FLRT1: variants seen among roughly 807,000 people sequenced by gnomAD.
FLRT1 encodes leucine-rich repeat transmembrane protein FLRT1.
FLRT1 carries 14 observed loss-of-function variants against 30.9 expected under a neutral mutation model. That is an observed-to-expected ratio of 0.45 (90% CI 0.30 to 0.71). The LOEUF (loss-of-function observed/expected upper bound fraction) is 0.71, where lower values mean the gene tolerates loss of function less well. Ranked by LOEUF, FLRT1 falls within the 30% of genes least tolerant of loss-of-function variation. The pLI is 0.08. For missense variants in FLRT1, 737 were observed against 949.2 expected (o/e 0.78, Z 2.94); for synonymous variants, 368 against 430.4 (o/e 0.85, Z 1.80).
intron 1 of FLRT1, among the ~76,000 whole-genome samples, chr11:64,093,730 C>T (rs71454591): frequency 0.1 from 15,169 of 152,290 alleles, 886 homozygotes; most frequent in Non-Finnish European, 0.13. Context: ...CTGGGCCTCC[C>T]GCTCTGTAGT....
chr11:64,042,225 T>A (rs1053904448), intron 1 of FLRT1, among the ~76,000 whole-genome samples: 1 of 152,154 alleles, frequency 6.6e-6, no homozygotes, highest in Non-Finnish European at 1.5e-5. Flanking sequence ...CTTCCTCTCC[T>A]GTCTTCCCTG....
At chr11:64,101,674 G>C (rs1275442712) in intron 1 of FLRT1, among the ~76,000 whole-genome samples, 2 of 152,162 alleles carry the variant, frequency 1.3e-5, no homozygotes. Flanking sequence ...AGCAATAAGG[G>C]CTCGTGCTAG....
rs546542450 is a variant in FLRT1 at position 64,069,203 on chromosome 11, G to A, written c.-1038+33044G>A. Among the ~76,000 whole-genome samples, 7 of 152,330 alleles carry A rather than the reference G, an allele frequency of 4.6e-5. No individual in the cohort carries two copies. In the South Asian group the frequency reaches 1.0e-3, roughly 23 times the overall value. On this transcript the variant is annotated intron_variant, in intron 1 of 2. Transcript: ENST00000682287. ...GAGCAGAGCAGGAGGGCCACTGCGC[G>A]CGGCCGGGGGCCCGAGGTGGGCGCC...
intron 1 of FLRT1, among the ~76,000 whole-genome samples, chr11:64,046,504 C>G (rs1014186348): frequency 1.3e-5 from 2 of 152,172 alleles, no homozygotes; most frequent in South Asian, 4.1e-4. Flanking sequence ...TGGGACCCTG[C>G]GCTGTGCTCC....
rs2010973 is a variant in FLRT1 at position 64,086,631 on chromosome 11, C to G, written c.-1037-16563C>G. ...GTGCTTTTTCCGGCCCCTGCAGCCC[C>G]ACTTCTGTCTGAGACTCCTATTCAT... On this transcript the variant is annotated intron_variant, in intron 1 of 2. Coordinates refer to ENST00000682287, the MANE Select transcript of FLRT1 (RefSeq NM_013280.5). 9.2e-4 allele frequency among the ~76,000 whole-genome samples: 140 copies of G among 152,300 alleles called. 3 individuals are homozygous for G. Among genetic ancestry groups the G allele is most frequent in the Admixed American group, 7.8e-3 (119 of 15,300 alleles).
intron 1 of FLRT1, among the ~76,000 whole-genome samples, chr11:64,070,222 C>T (rs377276801): frequency 1.3e-5 from 2 of 152,106 alleles, no homozygotes; most frequent in African/African-American, 4.8e-5. Flanking sequence ...CCCTGCTGCA[C>T]CAAGTGGGGT....
chr11:64,081,097 C>G (rs928152403), intron 1 of FLRT1, among the ~76,000 whole-genome samples: 1 of 152,216 alleles, frequency 6.6e-6, no homozygotes, highest in Non-Finnish European at 1.5e-5. Context: ...TCTCAGCTCA[C>G]TGCAACCTCC....
intron 1 of FLRT1, among the ~76,000 whole-genome samples, chr11:64,085,687 C>T (rs1944382016): frequency 3.9e-5 from 6 of 152,174 alleles, no homozygotes; most frequent in Admixed American, 3.9e-4. Flanking sequence ...CGGTCACCCA[C>T]AGACAGGCCC....
chr11:64,066,272 C>T (rs565132382), intron 1 of FLRT1, among the ~76,000 whole-genome samples: 1 of 126,424 alleles, frequency 7.9e-6, no homozygotes, highest in African/African-American at 3.1e-5. Context: ...ACCCCAGCCT[C>T]GGTGACAGAG....
chr11:64,113,582 CATGG>C (rs1944902069), intron 2 of FLRT1, among the ~76,000 whole-genome samples: 2 of 99,152 alleles, frequency 2.0e-5, no homozygotes, highest in Non-Finnish European at 4.0e-5. Context: ...GCATGGATAG[CATGG>C]ATGGATGGAT....
intron 2 of FLRT1, among the ~76,000 whole-genome samples, chr11:64,114,343 T>TGATGGAGGGATGGTGGACA (rs1565239211): frequency 7.3e-6 from 1 of 136,252 alleles, no homozygotes; most frequent in Non-Finnish European, 1.6e-5. Context: ...AGTAGATACA[T>TGATGGAGGGATGGTGGACA]GATGGATGGA....
At chr11:64,110,387 C>A (rs931424439) in intron 2 of FLRT1, among the ~76,000 whole-genome samples, 4 of 151,248 alleles carry the variant, frequency 2.6e-5, no homozygotes, top group African/African-American at 9.7e-5. Context: ...GAGGTCGAGG[C>A]TGCAGTGAGC....
chr11:64,086,281 G>A (rs1944393510), intron 1 of FLRT1, among the ~76,000 whole-genome samples: 1 of 152,042 alleles, frequency 6.6e-6, no homozygotes, highest in South Asian at 2.1e-4. Flanking sequence ...GTTGAATTGT[G>A]GTTTTAGGAG....
intron 1 of FLRT1, among the ~76,000 whole-genome samples, chr11:64,076,526 T>C: frequency 6.6e-6 from 1 of 152,170 alleles, no homozygotes; most frequent in Admixed American, 6.5e-5. Flanking sequence ...GTGCTGGCAC[T>C]GGGGTCTGGA....
intron 1 of FLRT1, among the ~76,000 whole-genome samples, chr11:64,070,769 G>A (rs569247859): frequency 1.2e-4 from 18 of 152,340 alleles, no homozygotes; most frequent in African/African-American, 4.3e-4. Flanking sequence ...TTATTTGTTC[G>A]TGGAATGAAA....
chr11:64,094,625 G>A (rs1252134541), intron 1 of FLRT1, among the ~76,000 whole-genome samples: 1 of 152,308 alleles, frequency 6.6e-6, no homozygotes, highest in East Asian at 1.9e-4. Flanking sequence ...GGTCGCGTAC[G>A]TCATGGGGCA....
In FLRT1 at chr11:64,101,234, G is replaced by A. The variant is rs1451294581; in HGVS notation, c.-1037-1960G>A. Among the ~76,000 whole-genome samples, 3 of 152,280 alleles carry A rather than the reference G, an allele frequency of 2.0e-5. No individual in the cohort carries two copies. The East Asian group carries it at 5.8e-4, about 29-fold the overall frequency. On this transcript the variant is annotated intron_variant, in intron 1 of 2. Transcript: ENST00000682287. ...AGCCAGCTCAGGGCATTAGTGGGCA[G>A]TAGTGGGAGACACGGCTGGTGGGCT... is the stretch of plus-strand genomic sequence containing the variant.
chr11:64,118,304 C>T lies in FLRT1; in HGVS notation c.*12C>T. 1 of 1,538,070 alleles carries T rather than the reference C, an allele frequency of 6.5e-7. No homozygotes were observed. The highest frequency in any genetic ancestry group is 8.8e-7 in the Non-Finnish European group (1 of 1,136,418). The stretch of plus-strand genomic sequence containing the variant: ...ACTCCTACACATGATGCCCGCCCAC[C>T]CGGGCTGCCCCGCCTCAGCCCCAGC... On this transcript the variant is annotated 3_prime_UTR_variant, in exon 3 of 3. Transcript: ENST00000682287.
rs1179063313 is a variant in FLRT1 at position 64,082,594 on chromosome 11, C to G, written c.-1037-20600C>G. Among the ~76,000 whole-genome samples, 1 of 152,022 alleles carries G rather than the reference C, an allele frequency of 6.6e-6. No individual in the cohort carries two copies. Among genetic ancestry groups the G allele is most frequent in the Non-Finnish European group, 1.5e-5 (1 of 67,982 alleles). On this transcript the variant is annotated intron_variant, in intron 1 of 2. Transcript: ENST00000682287. The surrounding 1 kb of genome is among the most constrained non-coding windows in gnomAD (Gnocchi z 4.5). ...TCAGATTCAGGTGAAGCTTAGGGGT[C>G]CCTGGGCTGAAGACGGAACCTCTGA...
Sources: gnomAD v4.1 joint callset for allele counts (sites outside exome capture counted in the v4.1 genomes callset) on GRCh38, gnomAD v4.1.1 for gene constraint, Gnocchi (gnomAD v3.1) non-coding constraint, MANE v1.5 for transcripts, NCBI Gene and HGNC (gene_info 2026-07-23, HGNC 2026-07-21) for gene names.